The following FSTL1 variants were observed in gnomAD, a reference collection of about 807,000 sequenced individuals.
FSTL1 encodes the protein follistatin like 1, also known as follistatin-related protein 1.
In FSTL1, 24 loss-of-function variants were observed where a neutral mutation model predicts 45.9. The ratio of observed to expected loss-of-function variants is 0.52; its 90% CI spans 0.38 to 0.74. FSTL1 has a LOEUF of 0.74. Among genes scored for constraint, FSTL1 ranks in the 30% least tolerant of loss-of-function variants. The pLI is 0.00. For missense variants in FSTL1, 340 were observed against 381.8 expected, an observed-to-expected ratio of 0.89 and a Z score of 0.91; for synonymous variants, 120 against 137.6, an observed-to-expected ratio of 0.87 and a Z score of 0.89.
At chr3:120,434,742 G>A (rs1182729008) in intron 2 of FSTL1, among the ~76,000 whole-genome samples, 3 of 152,056 alleles carry the variant, frequency 2.0e-5, no homozygotes, top group Non-Finnish European at 2.9e-5. Flanking sequence ...TGTTATTACC[G>A]TTCCTTGGAA....
intron 1 of FSTL1, 26 bp from the exon 2 acceptor site, chr3:120,450,772 C>T (rs1309371393): frequency 1.9e-6 from 3 of 1,543,578 alleles, no homozygotes; most frequent in Admixed American, 1.8e-5. Flanking sequence ...GAGAGCGAGT[C>T]TGAAGGCGCC....
At position 120,405,088 on chromosome 3, in the gene FSTL1, C is replaced by T. The variant is rs537213227; in HGVS notation, c.463-117G>A. The T allele has an allele frequency of 7.3e-6, 5 of 681,320 alleles. No homozygotes were observed. The South Asian group carries it at 8.3e-5, about 11-fold the overall frequency. The allele number at this position is 681,320 out of a possible 1,614,324, so 42.2% of individuals were successfully genotyped here. On this transcript the variant is annotated intron_variant, in intron 6 of 10. Coordinates refer to ENST00000295633, the MANE Select transcript of FSTL1 (RefSeq NM_007085.5). ...TTGTTCTTGATACATTCCAACCCTG[C>T]CCTGACCTCAGAGGGCCTTGGCAAC...
intron 2 of FSTL1, among the ~76,000 whole-genome samples, chr3:120,434,762 TAAC>T (rs1937523803): frequency 6.6e-6 from 1 of 152,194 alleles, no homozygotes; most frequent in Non-Finnish European, 1.5e-5. Context: ...ATTCAAGCCA[TAAC>T]AACAAGGAGA....
chr3:120,448,541 A>T (rs1394431891), intron 2 of FSTL1, among the ~76,000 whole-genome samples: 1 of 152,234 alleles, frequency 6.6e-6, no homozygotes, highest in Non-Finnish European at 1.5e-5. Context: ...AATCCTTAAT[A>T]ACCTGGAGCC....
At chr3:120,405,086 T>C (rs917579800) in intron 6 of FSTL1, 115 bp from the exon 7 acceptor site, 3 of 683,818 alleles carry the variant, frequency 4.4e-6, no homozygotes, top group African/African-American at 3.5e-5. Flanking sequence ...ATTCCAACCC[T>C]GCCCTGACCT....
chr3:120,409,595 G>T lies in FSTL1; in HGVS notation c.399C>A (p.Ile133=). ...RRIIQWLEAE[I]IPDGWFSKGS... is the part of the protein sequence containing the mutation. ...CTTTAGAGAACCAGCCATCTGGAATGATCTCAGCTTCCAGCCACTGGATGA... is the reference window on the plus strand; with the variant it reads ...CTTTAGAGAACCAGCCATCTGGAATTATCTCAGCTTCCAGCCACTGGATGA... The change falls in exon 6 of 11, where the codon ATC becomes ATA. Residue 133 remains isoleucine, a synonymous_variant. Transcript: ENST00000295633. 1 of 1,613,264 alleles carries T rather than the reference G, an allele frequency of 6.2e-7. No individual in the cohort carries two copies. The highest frequency in any genetic ancestry group is 8.5e-7 in the Non-Finnish European group (1 of 1,179,184).
intron 3 of FSTL1, 38 bp from the exon 4 acceptor site, chr3:120,412,021 G>A (rs1282950153): frequency 6.3e-7 from 1 of 1,578,324 alleles, no homozygotes; most frequent in South Asian, 1.1e-5. Flanking sequence ...GTGCAGTTAT[G>A]GATATCGACA....
At chr3:120,412,840 A>G (rs201355957) in intron 3 of FSTL1, among the ~76,000 whole-genome samples, 1,393 of 61,600 alleles carry the variant, frequency 0.023, 10 homozygotes, top group Middle Eastern at 0.079. Context: ...GCGCGCGCGC[A>G]CACACACACA....
intron 2 of FSTL1, among the ~76,000 whole-genome samples, chr3:120,445,776 C>G (rs568135089): frequency 8.0e-5 from 12 of 149,884 alleles, no homozygotes; most frequent in South Asian, 6.2e-4. Context: ...CTGGACCCAC[C>G]ACTAGACTGT....
chr3:120,429,967 T>C (rs1462661907), intron 2 of FSTL1, among the ~76,000 whole-genome samples: 1 of 152,208 alleles, frequency 6.6e-6, no homozygotes, highest in Non-Finnish European at 1.5e-5. Flanking sequence ...TATCTGCCCC[T>C]GAAGGGGAGT....
intron 3 of FSTL1, 74 bp from the exon 4 acceptor site, chr3:120,412,057 G>GCACA (rs921597970): frequency 2.0e-5 from 11 of 545,356 alleles, no homozygotes; most frequent in South Asian, 3.1e-5. Context: ...ACACATACAT[G>GCACA]CACACACACA....
At position 120,396,832 on chromosome 3, in the gene FSTL1, C is replaced by A; in HGVS notation, c.*120G>T. The A allele has an allele frequency of 1.3e-6, 1 of 755,354 alleles. No individual in the cohort carries two copies. Among genetic ancestry groups the A allele is most frequent in the South Asian group, 1.5e-5 (1 of 65,242 alleles). The allele number at this position is 755,354 out of a possible 1,614,324, so 46.8% of individuals were successfully genotyped here. ...TGCAAAACAAATAAACAAAATAAAA[C>A]TCATTGCTATATAAGCAAATACTGG... On this transcript the variant is annotated 3_prime_UTR_variant, in exon 11 of 11. Coordinates refer to ENST00000295633, the MANE Select transcript of FSTL1 (RefSeq NM_007085.5).
Position 120,399,964 on chromosome 3 carries a change from A to C in FSTL1, c.806-5T>G. 6.3e-7 allele frequency: 1 copy of C among 1,597,380 alleles called. No individual in the cohort carries two copies. The highest frequency in any genetic ancestry group is 1.1e-5 in the South Asian group (1 of 88,780). ...GGGCCCCCTTCTGATTCTTTCCTGC[A>C]AGAAGAACCAAAGCTCAGAGCAGTA... On this transcript the variant is annotated splice_region_variant and splice_polypyrimidine_tract_variant and intron_variant, in intron 9 of 10. Coordinates refer to ENST00000295633, the MANE Select transcript of FSTL1 (RefSeq NM_007085.5).
At chr3:120,443,672 C>A (rs1937675047) in intron 2 of FSTL1, among the ~76,000 whole-genome samples, 1 of 148,636 alleles carries the variant, frequency 6.7e-6, no homozygotes, top group Non-Finnish European at 1.5e-5. Context: ...CATGTGATAG[C>A]TTTTGTCATG....
intron 2 of FSTL1, among the ~76,000 whole-genome samples, chr3:120,446,345 T>A (rs1281263653): frequency 2.6e-5 from 4 of 152,212 alleles, no homozygotes; most frequent in Non-Finnish European, 4.4e-5. Flanking sequence ...CCTCTCCAAC[T>A]TGCTTCTATG....
intron 2 of FSTL1, among the ~76,000 whole-genome samples, chr3:120,433,042 G>T (rs1484320237): frequency 1.3e-5 from 2 of 152,192 alleles, no homozygotes; most frequent in Non-Finnish European, 2.9e-5. Flanking sequence ...AAAAGTAAAG[G>T]CTTCAGCAAA....
At chr3:120,418,372 C>A (rs766277974) in intron 2 of FSTL1, among the ~76,000 whole-genome samples, 1 of 152,166 alleles carries the variant, frequency 6.6e-6, no homozygotes, top group East Asian at 1.9e-4. Flanking sequence ...TCTTCAACCA[C>A]TGATAACTAA....
chr3:120,450,951 G>C lies in FSTL1; in HGVS notation c.-55C>G, dbSNP rs940878868. 6 of 471,252 alleles carry C rather than the reference G, an allele frequency of 1.3e-5. No individual in the cohort carries two copies. Among genetic ancestry groups the C allele is most frequent in the Admixed American group, 4.4e-5 (1 of 22,988 alleles). The allele number at this position is 471,252 out of a possible 1,614,324, so 29.2% of individuals were successfully genotyped here. A position where few individuals can be genotyped will look rare whatever the true frequency, so the allele number is the denominator to read the frequency against. ...CGGGGCAGGACGGCGGCAGCGAGCT[G>C]TAAGCGGAGGTGGGAGCTCCGCCGA... On this transcript the variant is annotated 5_prime_UTR_variant, in exon 1 of 11. Transcript: ENST00000295633.
intron 2 of FSTL1, among the ~76,000 whole-genome samples, chr3:120,420,636 G>A (rs973243698): frequency 6.6e-6 from 1 of 152,162 alleles, no homozygotes. Context: ...TCTGAGCAAC[G>A]GTCAGCCATT....
Sources: gnomAD v4.1 joint callset for allele counts (sites outside exome capture counted in the v4.1 genomes callset) on GRCh38, gnomAD v4.1.1 for gene constraint, MANE v1.5 for transcripts, NCBI Gene and HGNC (gene_info 2026-07-23, HGNC 2026-07-21) for gene names.